Variants in ADCY3 observed in about 807,000 individuals in gnomAD.
The protein encoded by ADCY3 is adenylate cyclase 3.
In ADCY3, 70 loss-of-function variants were observed where a neutral mutation model predicts 119.4. That is an observed-to-expected ratio of 0.59 (90% CI 0.48 to 0.72). The LOEUF is 0.72. ADCY3 is among the 30% of genes least tolerant of loss of function. The pLI, the probability that ADCY3 is intolerant of heterozygous loss-of-function variation, is 0.00. For missense variants in ADCY3, 1,238 were observed against 1,541.6 expected, an observed-to-expected ratio of 0.80 and a Z score of 3.30; for synonymous variants, 672 against 621.4, an observed-to-expected ratio of 1.08 and a Z score of -1.21.
Position 24,834,947 on chromosome 2 carries a change from G to C in ADCY3, c.1663-11C>G, listed in dbSNP as rs750555763. The C allele has an allele frequency of 2.0e-5, 33 of 1,611,886 alleles. No homozygotes were observed. In the South Asian group the frequency reaches 2.2e-4, roughly 11 times the overall value. ...TGAGGGGTTGTCGGCCTGTGAGCCA[G>C]GGAGGCAGCGTGAGTGGGGCAGATG... On this transcript the variant is annotated splice_polypyrimidine_tract_variant and intron_variant, in intron 9 of 21. Transcript: ENST00000679454. The surrounding 1 kb of genome is among the most constrained non-coding windows in gnomAD (Gnocchi z 4.2).
intron 3 of ADCY3, among the ~76,000 whole-genome samples, chr2:24,847,644 G>T (rs1422557244): frequency 6.6e-6 from 1 of 152,344 alleles, no homozygotes; most frequent in African/African-American, 2.4e-5. Context: ...GATGCCCAAT[G>T]CAAAGAAATG....
At position 24,918,461 on chromosome 2, in the gene ADCY3, A is replaced by G. The variant is rs763508309; in HGVS notation, c.527T>C (p.Val176Ala). Residue 176 changes from valine (V) to alanine (A), a missense_variant, in exon 2 of 22, where the codon GTC (valine) becomes GCC (alanine). Val to Ala is a moderately conservative substitution (Grantham distance 64). Around this residue, in one of 7 missense-constraint regions of ADCY3, gnomAD observed 227 missense variants for 249.3 expected, o/e 0.91. Coordinates refer to ENST00000679454, the MANE Select transcript of ADCY3 (RefSeq NM_004036.5). The surrounding 1 kb of genome is among the most constrained non-coding windows in gnomAD (Gnocchi z 5.4). ...SDTVGWQVFF[V>A]FSFFITLPLS... ...GGGCAGCGTGATGAAGAAGGAGAAGACAAAGAAGACCTGCCAGCCCACCGT... is the reference window on the plus strand; with the variant it reads ...GGGCAGCGTGATGAAGAAGGAGAAGGCAAAGAAGACCTGCCAGCCCACCGT... 1.9e-5 allele frequency: 31 copies of G among 1,613,884 alleles called. 1 individual carries two copies. The South Asian group carries it at 3.0e-4, about 15-fold the overall frequency.
In ADCY3 at chr2:24,867,619, G is replaced by A. The variant is rs992029423; in HGVS notation, c.825+4951C>T. ...AAACGGATGAAGACAGGTATCTTTC[G>A]AAAATGAAAGCAAAATAAGCACACT... On this transcript the variant is annotated intron_variant, in intron 3 of 21. Coordinates refer to ENST00000679454, the MANE Select transcript of ADCY3 (RefSeq NM_004036.5). Among the ~76,000 whole-genome samples, 5 of 152,082 alleles carry A rather than the reference G, an allele frequency of 3.3e-5. No homozygotes were observed. In the South Asian group the frequency reaches 6.2e-4, roughly 19 times the overall value.
At chr2:24,844,342 G>T (rs1274582618) in intron 3 of ADCY3, among the ~76,000 whole-genome samples, 2 of 152,120 alleles carry the variant, frequency 1.3e-5, no homozygotes, top group Non-Finnish European at 1.5e-5. Flanking sequence ...AGAAAACCAA[G>T]AACTAGTGGC....
At position 24,841,447 on chromosome 2, in the gene ADCY3, G is replaced by A. The variant is rs566535665; in HGVS notation, c.1069-61C>T. ...TCCTCAGTGAGGGAGGAGTGGCCAA[G>A]AAAGCAGAGGAAGGACAGTGGGAGA... On this transcript the variant is annotated intron_variant, in intron 5 of 21. Transcript: ENST00000679454. The surrounding 1 kb of genome is among the most constrained non-coding windows in gnomAD (Gnocchi z 5.8). The A allele has an allele frequency of 2.5e-6, 4 of 1,596,854 alleles. No homozygotes were observed. Among genetic ancestry groups the A allele is most frequent in the African/African-American group, 1.3e-5 (1 of 74,738 alleles).
intron 19 of ADCY3, chr2:24,822,094 G>C (rs967917777): frequency 2.1e-5 from 4 of 189,396 alleles, no homozygotes; most frequent in African/African-American, 4.7e-5. Flanking sequence ...CAGAGCTTGG[G>C]ACCAGGGCTC....
chr2:24,900,590 T>C (rs1678795005), intron 2 of ADCY3, among the ~76,000 whole-genome samples: 1 of 151,958 alleles, frequency 6.6e-6, no homozygotes, highest in African/African-American at 2.4e-5. Context: ...CGCTTTAGTC[T>C]ACACCTAGAG....
Position 24,834,788 on chromosome 2 carries a change from G to A in ADCY3, c.1805+6C>T, listed in dbSNP as rs201602354. ...GTGGGCCTGGACGCTTCCGGGTGGC[G>A]CTTACACTTGGGCGGACTCTCGCTC... On this transcript the variant is annotated splice_donor_region_variant and intron_variant, in intron 10 of 21. Coordinates refer to ENST00000679454, the MANE Select transcript of ADCY3 (RefSeq NM_004036.5). This position sits in a 1 kb window ranked among gnomAD's most constrained non-coding sequence, Gnocchi z 4.2. 6.1e-5 allele frequency: 99 copies of A among 1,611,934 alleles called. 1 individual carries two copies. The East Asian group carries it at 1.9e-3, about 30-fold the overall frequency.
chr2:24,831,988 GGC>G (rs1374713721), intron 11 of ADCY3: 5 of 162,636 alleles, frequency 3.1e-5, no homozygotes, highest in African/African-American at 1.6e-4. Flanking sequence ...AGGGACTGGG[GGC>G]AGGGGCCGGG....
Position 24,872,505 on chromosome 2 carries a change from TC to T in ADCY3, c.825+64del. ...CCAGGGGCTGCCGCTCTGGTTCCTC[TC>T]CCTCTGACAAGGCCACAGTCCCTGA... On this transcript the variant is annotated intron_variant, in intron 3 of 21. Transcript: ENST00000679454. The surrounding 1 kb of genome is among the most constrained non-coding windows in gnomAD (Gnocchi z 4.4). 1 of 1,567,090 alleles carries T rather than the reference TC, an allele frequency of 6.4e-7. No individual in the cohort carries two copies. The highest frequency in any genetic ancestry group is 1.2e-5 in the South Asian group (1 of 84,350).
chr2:24,890,044 T>C (rs1176252985), intron 2 of ADCY3, among the ~76,000 whole-genome samples: 4 of 152,216 alleles, frequency 2.6e-5, no homozygotes, highest in Non-Finnish European at 5.9e-5. Flanking sequence ...GGATGCTGAA[T>C]TTTGTCAAAT....
rs111318790 is a variant in ADCY3 at position 24,846,578 on chromosome 2, AT to A, written c.826-4195del. ...TCTGGAAGTAACTAGTTTGCTTTTG[AT>A]TTTTTTTTTTTTTTTTGAGACGAAG... On this transcript the variant is annotated intron_variant, in intron 3 of 21. Coordinates refer to ENST00000679454, the MANE Select transcript of ADCY3 (RefSeq NM_004036.5). 4.9e-3 allele frequency among the ~76,000 whole-genome samples: 684 copies of A among 139,158 alleles called. 1 individual carries two copies. Among genetic ancestry groups the A allele is most frequent in the East Asian group, 0.026 (127 of 4,810 alleles). 91.3% of individuals were successfully genotyped at this position (139,158 alleles called of 152,430 possible).
chr2:24,830,838 G>T lies in ADCY3; in HGVS notation c.2056-13C>A. Reference sequence around the variant, plus strand: ...TCTTAGGAAAGGCCTAGAAGGAACAGAATTTCAAGGGCCATGAGCCTTTGC... The same window carrying T: ...TCTTAGGAAAGGCCTAGAAGGAACATAATTTCAAGGGCCATGAGCCTTTGC... On this transcript the variant is annotated splice_polypyrimidine_tract_variant and intron_variant, in intron 12 of 21. Coordinates refer to ENST00000679454, the MANE Select transcript of ADCY3 (RefSeq NM_004036.5). 1 of 1,600,084 alleles carries T rather than the reference G, an allele frequency of 6.2e-7. No homozygotes were observed. Among genetic ancestry groups the T allele is most frequent in the Admixed American group, 1.7e-5 (1 of 59,750 alleles).
rs539820191 is a variant in ADCY3 at position 24,819,905 on chromosome 2, T to C, written c.*27A>G. ...TCAAAAAATAAATTCTCCCTTCCGG[T>C]TTGGACTGTTGCAGGCTCGAGGCCA... On this transcript the variant is annotated 3_prime_UTR_variant, in exon 22 of 22. Transcript: ENST00000679454. The C allele has an allele frequency of 6.2e-7, 1 of 1,608,172 alleles. No individual in the cohort carries two copies. Among genetic ancestry groups the C allele is most frequent in the African/African-American group, 1.3e-5 (1 of 74,594 alleles).
At chr2:24,876,649 C>A (rs1488433508) in intron 2 of ADCY3, among the ~76,000 whole-genome samples, 1 of 152,160 alleles carries the variant, frequency 6.6e-6, no homozygotes, top group Non-Finnish European at 1.5e-5. Context: ...GTCCCCAGGG[C>A]CAGGCAGGTG....
At chr2:24,910,289 G>A (rs187428254) in intron 2 of ADCY3, among the ~76,000 whole-genome samples, 192 of 152,218 alleles carry the variant, frequency 1.3e-3, no homozygotes, top group Middle Eastern at 0.01. Flanking sequence ...TGCAGCATCC[G>A]GGGCTCATAA....
At chr2:24,883,864 C>T (rs1025859256) in intron 2 of ADCY3, among the ~76,000 whole-genome samples, 3 of 152,166 alleles carry the variant, frequency 2.0e-5, no homozygotes, top group Admixed American at 6.5e-5. Context: ...TGTTTGTGGC[C>T]ATGGAACACA....
rs1350334598 is a variant in ADCY3 at position 24,841,643 on chromosome 2, G to C, written c.981C>G (p.Gly327=). 6.2e-7 allele frequency: 1 copy of C among 1,613,662 alleles called. No homozygotes were observed. The highest frequency in any genetic ancestry group is 8.5e-7 in the Non-Finnish European group (1 of 1,179,972). ...TGCAGGCAGAAGACAGCTGGGTAAAGCCCACGATGTCGGCAAAGAGGATGC... is the reference window on the plus strand; with the variant it reads ...TGCAGGCAGAAGACAGCTGGGTAAACCCCACGATGTCGGCAAAGAGGATGC... ...NVSILFADIV[G]FTQLSSACSA... Residue 327 remains glycine (G), a synonymous_variant, in exon 5 of 22, where the codon GGC becomes GGG. Transcript: ENST00000679454. This position sits in a 1 kb window ranked among gnomAD's most constrained non-coding sequence, Gnocchi z 5.8.
At chr2:24,903,747 A>G (rs13404163) in intron 2 of ADCY3, among the ~76,000 whole-genome samples, 49,248 of 152,096 alleles carry the variant, frequency 0.32, 8,124 homozygotes, top group East Asian at 0.37. Flanking sequence ...GCAGGGCTCC[A>G]GCACGGCTCG....
Sources: gnomAD v4.1 joint callset for allele counts (sites outside exome capture counted in the v4.1 genomes callset) on GRCh38, gnomAD v4.1.1 for gene constraint, gnomAD v4.1.1 regional missense constraint, Gnocchi (gnomAD v3.1) non-coding constraint, MANE v1.5 for transcripts, NCBI Gene and HGNC (gene_info 2026-07-23, HGNC 2026-07-21) for gene names.